RNF130: variants seen among roughly 807,000 people sequenced by gnomAD.
The protein encoded by RNF130 is ring finger protein 130.
RNF130 carries 21 observed loss-of-function variants against 44.6 expected under a neutral mutation model. The observed-to-expected ratio is 0.47, with a 90% CI of 0.33 to 0.68. The LOEUF is 0.68. RNF130 is among the 30% of genes least tolerant of loss of function. RNF130 has a pLI of 0.02. For synonymous variants in RNF130, 214 were observed against 210.4 expected (o/e 1.02, Z -0.15); for missense variants, 479 against 560.6 (o/e 0.85, Z 1.47).
chr5:179,985,026 C>A (rs1366000723), intron 3 of RNF130, among the ~76,000 whole-genome samples: 1 of 152,022 alleles, frequency 6.6e-6, no homozygotes, highest in Non-Finnish European at 1.5e-5. Flanking sequence ...TCATAGCTGC[C>A]CCTTGAACAA....
intron 2 of RNF130, among the ~76,000 whole-genome samples, chr5:180,024,156 A>G (rs542079301): frequency 5.0e-4 from 76 of 152,368 alleles, no homozygotes; most frequent in African/African-American, 1.7e-3. Flanking sequence ...AAAAACAAGG[A>G]AAGTCTAAAA....
chr5:179,933,668 C>T (rs566026148), intron 7 of RNF130: 56 of 307,744 alleles, frequency 1.8e-4, no homozygotes, highest in South Asian at 1.5e-3. Context: ...ACCACAGTCA[C>T]GCTCCACCAT....
intron 3 of RNF130, among the ~76,000 whole-genome samples, chr5:180,001,863 G>A (rs545656016): frequency 6.6e-6 from 1 of 152,326 alleles, no homozygotes; most frequent in South Asian, 2.1e-4. Context: ...ACAGGTTCAA[G>A]CAAGCAGGGT....
chr5:180,026,036 A>T (rs1464223695), intron 2 of RNF130, among the ~76,000 whole-genome samples: 1 of 152,132 alleles, frequency 6.6e-6, no homozygotes, highest in African/African-American at 2.4e-5. Flanking sequence ...GCTAGATAAT[A>T]AATATAGAGC....
At chr5:180,008,889 GA>G (rs1029198620) in intron 3 of RNF130, among the ~76,000 whole-genome samples, 85 of 133,484 alleles carry the variant, frequency 6.4e-4, no homozygotes, top group African/African-American at 7.4e-4. Flanking sequence ...CTCTCAAAAG[GA>G]AAAAAAAAAA....
At chr5:179,936,454 C>T (rs1181290834) in intron 7 of RNF130, among the ~76,000 whole-genome samples, 2 of 152,052 alleles carry the variant, frequency 1.3e-5, no homozygotes, top group Non-Finnish European at 2.9e-5. Context: ...GTCTTGAACG[C>T]CTGAGCTCAA....
intron 8 of RNF130, among the ~76,000 whole-genome samples, chr5:179,957,964 G>T (rs942169377): frequency 6.7e-6 from 1 of 150,316 alleles, no homozygotes; most frequent in Non-Finnish European, 1.5e-5. Context: ...TGCAAGCTCC[G>T]CCTCCCGGGT....
rs755317582 is a variant in RNF130, at chr5:179,970,502, C to T, written c.853G>A (p.Val285Ile). 5 of 1,609,772 alleles carry T rather than the reference C, an allele frequency of 3.1e-6. No individual in the cohort carries two copies. In the South Asian group the frequency reaches 5.5e-5, roughly 18 times the overall value. Residue 285 changes from valine to isoleucine, a missense_variant, in exon 6 of 9, where the codon GTT becomes ATT. This residue lies in a region of RNF130 where 180 missense variants were observed against 275.1 expected (regional missense o/e 0.65). Transcript: ENST00000521389. ...GGATCCACGCAGGATTTGTGGAAAA[C>T]ATGCCTATAAAATAATGGAGAATTA... ...DVVRILPCKH[V>I]FHKSCVDPWL...
intron 1 of RNF130, among the ~76,000 whole-genome samples, chr5:180,050,787 G>A (rs35118830): frequency 2.6e-5 from 4 of 152,082 alleles, no homozygotes; most frequent in African/African-American, 7.2e-5. Context: ...TCAGCACTTC[G>A]GGGTTGTTCT....
chr5:179,980,068 CCAAA>C, intron 4 of RNF130, 57 bp downstream of exon 4: 1 of 1,460,064 alleles, frequency 6.8e-7, no homozygotes, highest in Non-Finnish European at 9.6e-7. Context: ...TCCTCTCCCA[CCAAA>C]CAAAAACAAA....
At chr5:179,926,288 T>C (rs765201757) in intron 7 of RNF130, among the ~76,000 whole-genome samples, 2 of 152,212 alleles carry the variant, frequency 1.3e-5, no homozygotes, top group African/African-American at 2.4e-5. Flanking sequence ...ACTGTTAAAA[T>C]TTTCTTTTGA....
At chr5:179,994,522 C>A (rs1763159796) in intron 3 of RNF130, among the ~76,000 whole-genome samples, 1 of 152,060 alleles carries the variant, frequency 6.6e-6, no homozygotes, top group Non-Finnish European at 1.5e-5. Flanking sequence ...GAGGATGTTA[C>A]TATGATGTAA....
downstream of RNF130, among the ~76,000 whole-genome samples, chr5:179,950,309 G>T (rs1031583778): frequency 6.6e-6 from 1 of 151,974 alleles, no homozygotes; most frequent in Non-Finnish European, 1.5e-5. Context: ...TAGAGATGGG[G>T]TTTTGCCATG....
chr5:179,990,809 T>G (rs1050105437), intron 3 of RNF130, among the ~76,000 whole-genome samples: 5 of 152,256 alleles, frequency 3.3e-5, no homozygotes, highest in Admixed American at 6.5e-5. Flanking sequence ...ACTATCTCTG[T>G]ATGGCCTGGT....
chr5:180,032,753 T>TAA lies in RNF130; in HGVS notation c.442+7698_442+7699dup, dbSNP rs569982029. ...TACTAAAGTTGTGAAACGGAGTGTG[T>TAA]AAGTCCTCTAATGCTGTGCTTTTTC... On this transcript the variant is annotated intron_variant, in intron 2 of 8. Transcript: ENST00000521389. Among the ~76,000 whole-genome samples the TAA allele has an allele frequency of 4.3e-3, 651 of 152,352 alleles. 3 individuals carry two copies. The highest frequency in any genetic ancestry group is 6.0e-3 in the Non-Finnish European group (409 of 68,036).
chr5:180,063,558 C>T (rs867178148), intron 1 of RNF130, among the ~76,000 whole-genome samples: 3 of 152,250 alleles, frequency 2.0e-5, no homozygotes, highest in Middle Eastern at 3.4e-3. Context: ...GGAAGCCAAG[C>T]GCATGAACCT....
At chr5:180,029,016 G>C (rs1309500649) in intron 2 of RNF130, among the ~76,000 whole-genome samples, 1 of 152,164 alleles carries the variant, frequency 6.6e-6, no homozygotes, top group Non-Finnish European at 1.5e-5. Context: ...CTTTTAGGTA[G>C]ACGAGGATGC....
intron 7 of RNF130, among the ~76,000 whole-genome samples, chr5:179,926,519 C>T (rs978307247): frequency 6.9e-6 from 1 of 145,370 alleles, no homozygotes; most frequent in Non-Finnish European, 1.5e-5. Context: ...TGTGGTGGCG[C>T]ATGCCTGTAA....
chr5:180,066,473 C>T (rs991753176), intron 1 of RNF130, among the ~76,000 whole-genome samples: 10 of 152,122 alleles, frequency 6.6e-5, no homozygotes, highest in Non-Finnish European at 2.9e-5. Flanking sequence ...ATATACTCCC[C>T]AACATGAGGG....
Sources: gnomAD v4.1 joint callset for allele counts (sites outside exome capture counted in the v4.1 genomes callset) on GRCh38, gnomAD v4.1.1 for gene constraint, gnomAD v4.1.1 regional missense constraint, MANE v1.5 for transcripts, NCBI Gene and HGNC (gene_info 2026-07-23, HGNC 2026-07-21) for gene names.